The following PPM1L variants were observed in gnomAD, a reference collection of about 807,000 sequenced individuals.
PPM1L encodes the protein protein phosphatase, Mg2+/Mn2+ dependent 1L, also known as protein phosphatase 1L.
A neutral mutation model predicts 31.4 loss-of-function variants in PPM1L; 13 were observed. The observed-to-expected ratio is 0.41, with a 90% confidence interval of 0.27 to 0.66. The LOEUF (loss-of-function observed/expected upper bound fraction) is 0.66, where lower values mean the gene tolerates loss of function less well. Among genes scored for constraint, PPM1L ranks in the 30% least tolerant of loss-of-function variants. PPM1L has a pLI of 0.29. For synonymous variants in PPM1L, 184 were observed against 175.4 expected (o/e 1.05, Z -0.39); for missense variants, 326 against 453.7 (o/e 0.72, Z 2.56).
intron 1 of PPM1L, among the ~76,000 whole-genome samples, chr3:160,837,800 T>C (rs74477548): frequency 0.032 from 4,860 of 152,316 alleles, 243 homozygotes; most frequent in African/African-American, 0.11. Context: ...CGTGGTCATG[T>C]AACCATGTGA....
At chr3:160,923,585 C>T (rs1480483232) in intron 1 of PPM1L, among the ~76,000 whole-genome samples, 1 of 152,196 alleles carries the variant, frequency 6.6e-6, no homozygotes, top group Non-Finnish European at 1.5e-5. Flanking sequence ...CTATTGCTCT[C>T]AAATCACGTC....
intron 2 of PPM1L, among the ~76,000 whole-genome samples, chr3:160,983,208 T>C (rs1043006360): frequency 7.2e-5 from 11 of 152,208 alleles, no homozygotes; most frequent in South Asian, 4.1e-4. Flanking sequence ...GAGCCTGATA[T>C]AATTGCATTT....
chr3:160,888,711 C>A (rs1377047953), intron 1 of PPM1L, among the ~76,000 whole-genome samples: 1 of 152,188 alleles, frequency 6.6e-6, no homozygotes, highest in Non-Finnish European at 1.5e-5. Flanking sequence ...CACCTCAAAT[C>A]AACAGAATAT....
chr3:160,776,028 A>G (rs1278003818), intron 1 of PPM1L, among the ~76,000 whole-genome samples: 1 of 151,900 alleles, frequency 6.6e-6, no homozygotes, highest in Non-Finnish European at 1.5e-5. Flanking sequence ...ATAGTGTGGG[A>G]ATACCTTAGA....
chr3:160,993,279 A>G (rs1256219569), intron 2 of PPM1L, among the ~76,000 whole-genome samples: 1 of 152,204 alleles, frequency 6.6e-6, no homozygotes, highest in Non-Finnish European at 1.5e-5. Context: ...GCCAGCATCA[A>G]TATTCCAAGG....
At chr3:160,807,494 A>G (rs921604783) in intron 1 of PPM1L, among the ~76,000 whole-genome samples, 12 of 152,184 alleles carry the variant, frequency 7.9e-5, no homozygotes, top group South Asian at 4.1e-4. Context: ...TCCAATGCCA[A>G]TTGCTTTTCT....
intron 1 of PPM1L, among the ~76,000 whole-genome samples, chr3:160,934,087 A>G (rs374729007): frequency 3.6e-4 from 55 of 152,358 alleles, no homozygotes; most frequent in African/African-American, 1.3e-3. Context: ...TGACAAGTTG[A>G]AGATATGAAA....
intron 2 of PPM1L, among the ~76,000 whole-genome samples, chr3:160,973,779 T>TTTTTTTTTG: frequency 2.1e-5 from 1 of 48,356 alleles, no homozygotes; most frequent in Non-Finnish European, 3.7e-5. Flanking sequence ...TTTTTTTTTT[T>TTTTTTTTTG]TTTTTTTTTT....
intron 1 of PPM1L, among the ~76,000 whole-genome samples, chr3:160,890,903 A>C (rs551013431): frequency 6.6e-6 from 1 of 152,296 alleles, no homozygotes; most frequent in Admixed American, 6.5e-5. Context: ...AAATGGTGCT[A>C]GGAAAACTGG....
chr3:160,843,894 A>G (rs1713989558), intron 1 of PPM1L, among the ~76,000 whole-genome samples: 1 of 152,208 alleles, frequency 6.6e-6, no homozygotes, highest in Non-Finnish European at 1.5e-5. Flanking sequence ...ATGTCCAACA[A>G]TGATAGACTG....
At chr3:160,854,199 T>C (rs1711607811) in intron 1 of PPM1L, among the ~76,000 whole-genome samples, 1 of 152,176 alleles carries the variant, frequency 6.6e-6, no homozygotes, top group Non-Finnish European at 1.5e-5. Context: ...CAATGAAGAC[T>C]AGAGCTTGGG....
chr3:160,884,639 G>A (rs762089847), intron 1 of PPM1L, among the ~76,000 whole-genome samples: 12 of 152,106 alleles, frequency 7.9e-5, no homozygotes, highest in Non-Finnish European at 1.6e-4. Context: ...CTGCTGGATG[G>A]TCCCTGTCCT....
chr3:160,759,191 A>T (rs1256559529), intron 1 of PPM1L, among the ~76,000 whole-genome samples: 1 of 152,196 alleles, frequency 6.6e-6, no homozygotes, highest in Admixed American at 6.5e-5. Context: ...GTCACAGAAG[A>T]GGAAGCTTTT....
At chr3:160,890,142 C>G (rs761003592) in intron 1 of PPM1L, among the ~76,000 whole-genome samples, 3 of 152,134 alleles carry the variant, frequency 2.0e-5, no homozygotes, top group Non-Finnish European at 4.4e-5. Context: ...GAAGTTTTGG[C>G]CAGAGCTATC....
chr3:160,860,561 T>A (rs978445272), intron 1 of PPM1L, among the ~76,000 whole-genome samples: 4 of 152,198 alleles, frequency 2.6e-5, no homozygotes, highest in Non-Finnish European at 5.9e-5. Context: ...CACAGGAAAT[T>A]GCAGATTTAG....
intron 1 of PPM1L, among the ~76,000 whole-genome samples, chr3:160,890,937 A>G (rs539971606): frequency 2.2e-4 from 34 of 152,336 alleles, no homozygotes; most frequent in African/African-American, 7.7e-4. Context: ...GAAAACTGAA[A>G]CTGGACCCCT....
At chr3:161,044,381 TTTA>T (rs1718997521) in intron 2 of PPM1L, among the ~76,000 whole-genome samples, 1 of 151,268 alleles carries the variant, frequency 6.6e-6, no homozygotes, top group Non-Finnish European at 1.5e-5. Context: ...TATTTATTTA[TTTA>T]TTTTTTAGTG....
chr3:161,025,577 GAAAAAA>G lies in PPM1L; in HGVS notation c.575-39814_575-39809del, dbSNP rs35588038. Among the ~76,000 whole-genome samples, 6 of 128,502 alleles carry G rather than the reference GAAAAAA, an allele frequency of 4.7e-5. No individual in the cohort carries two copies. In the South Asian group the frequency reaches 1.4e-3, roughly 31 times the overall value. The allele number at this position is 128,502 out of a possible 152,430, so 84.3% of individuals were successfully genotyped here. ...ACACAGCAAGACCTCATTTGTAAAT[GAAAAAA>G]AAAAAAAAAAAGAGTCTCATGCAGC... On this transcript the variant is annotated intron_variant, in intron 2 of 3. Coordinates refer to ENST00000498165, the MANE Select transcript of PPM1L (RefSeq NM_139245.4).
chr3:160,854,417 T>C (rs1170379138), intron 1 of PPM1L, among the ~76,000 whole-genome samples: 1 of 152,184 alleles, frequency 6.6e-6, no homozygotes, highest in Non-Finnish European at 1.5e-5. Context: ...ACAAAGGGCA[T>C]GAGTAGGGAA....
Sources: allele counts gnomAD v4.1 joint callset (sites outside exome capture counted in the v4.1 genomes callset), GRCh38; gene constraint gnomAD v4.1.1; transcripts MANE v1.5; gene names NCBI Gene and HGNC (gene_info 2026-07-23, HGNC 2026-07-21).